NKAIN3: variants seen among roughly 807,000 people sequenced by gnomAD.
NKAIN3 encodes the protein sodium/potassium-transporting ATPase subunit beta-1-interacting protein 3.
NKAIN3 carries 25 observed loss-of-function variants against 30.2 expected under a neutral mutation model. The ratio of observed to expected loss-of-function variants is 0.83; its 90% CI spans 0.60 to 1.16. NKAIN3 has a LOEUF of 1.16. NKAIN3 is among the 50% of genes most tolerant of loss of function. The probability of loss-of-function intolerance (pLI) is 0.00; values close to 1 mark genes in which losing one functional copy is unlikely to be tolerated. For missense variants in NKAIN3, 225 were observed against 254.1 expected, an observed-to-expected ratio of 0.89 and a Z score of 0.78; for synonymous variants, 91 against 89.6, an observed-to-expected ratio of 1.02 and a Z score of -0.09.
chr8:62,994,915 G>T (rs530980638), intron 5 of NKAIN3, among the ~76,000 whole-genome samples: 1 of 152,258 alleles, frequency 6.6e-6, no homozygotes, highest in East Asian at 1.9e-4. Context: ...ATAAAATTAA[G>T]CCTACATCAT....
At chr8:62,561,928 A>C (rs577560548) in intron 1 of NKAIN3, among the ~76,000 whole-genome samples, 162 of 152,290 alleles carry the variant, frequency 1.1e-3, no homozygotes, top group Middle Eastern at 3.4e-3. Context: ...TTTATTGCCT[A>C]TAAAATCATC....
At chr8:62,756,140 A>G (rs1816445965) in intron 4 of NKAIN3, among the ~76,000 whole-genome samples, 1 of 152,216 alleles carries the variant, frequency 6.6e-6, no homozygotes, top group Non-Finnish European at 1.5e-5. Context: ...ACAATTCAAT[A>G]GCTTTCAGTC....
At chr8:62,886,356 T>C (rs1002934803) in intron 4 of NKAIN3, among the ~76,000 whole-genome samples, 2 of 152,030 alleles carry the variant, frequency 1.3e-5, no homozygotes, top group Non-Finnish European at 2.9e-5. Flanking sequence ...TAAACATATA[T>C]AATCAAATAT....
intron 1 of NKAIN3, among the ~76,000 whole-genome samples, chr8:62,292,444 C>G (rs547210133): frequency 6.4e-4 from 98 of 152,280 alleles, no homozygotes; most frequent in African/African-American, 2.3e-3. Context: ...GTGACAAAAT[C>G]TCTCAGCTTT....
chr8:62,362,351 G>T (rs1323567037), intron 1 of NKAIN3, among the ~76,000 whole-genome samples: 2 of 152,068 alleles, frequency 1.3e-5, no homozygotes, highest in Non-Finnish European at 2.9e-5. Context: ...ATCAGCTCAT[G>T]CCACGTAATT....
chr8:62,397,922 G>A (rs1817816499), intron 1 of NKAIN3, among the ~76,000 whole-genome samples: 1 of 152,150 alleles, frequency 6.6e-6, no homozygotes, highest in Non-Finnish European at 1.5e-5. Flanking sequence ...TCAAGACTAT[G>A]CCACCATCTA....
chr8:62,952,005 G>A (rs548418077), intron 5 of NKAIN3, among the ~76,000 whole-genome samples: 5 of 151,798 alleles, frequency 3.3e-5, no homozygotes, highest in African/African-American at 9.7e-5. Flanking sequence ...TCACCATGTT[G>A]GCCAGGCTGG....
chr8:62,998,386 G>A (rs914823490), intron 5 of NKAIN3, among the ~76,000 whole-genome samples: 6 of 151,862 alleles, frequency 4.0e-5, no homozygotes, highest in East Asian at 2.0e-4. Context: ...AGTGATTCTC[G>A]TGCCTCAGCC....
At chr8:62,799,210 TG>T (rs1468292917) in intron 4 of NKAIN3, among the ~76,000 whole-genome samples, 1 of 152,220 alleles carries the variant, frequency 6.6e-6, no homozygotes, top group Non-Finnish European at 1.5e-5. Flanking sequence ...TCATCATGTT[TG>T]GAGCATATTT....
At chr8:62,618,913 A>T (rs1461752807) in intron 3 of NKAIN3, among the ~76,000 whole-genome samples, 1 of 152,222 alleles carries the variant, frequency 6.6e-6, no homozygotes. Context: ...CTCAAAAAAA[A>T]CAAAAGAAAA....
chr8:62,326,202 T>C (rs1336702807), intron 1 of NKAIN3, among the ~76,000 whole-genome samples: 1 of 151,844 alleles, frequency 6.6e-6, no homozygotes, highest in African/African-American at 2.4e-5. Flanking sequence ...TCTAAGTCAG[T>C]GAAAGACACA....
intron 1 of NKAIN3, among the ~76,000 whole-genome samples, chr8:62,355,192 T>G (rs1283354910): frequency 6.6e-6 from 1 of 152,196 alleles, no homozygotes. Flanking sequence ...CTGAGGGTTC[T>G]TTTCACATCA....
rs2130913335 is a variant in NKAIN3 at position 62,970,284 on chromosome 8, A to G, written c.*4877A>G. ...AGAAGAAGGTATTTATCAATAAAGA[A>G]TTCTCAAAAAAATGGAATTATCAAA... On this transcript the variant is annotated 3_prime_UTR_variant, in exon 7 of 7. Coordinates refer to ENST00000623646, the MANE Select transcript of NKAIN3 (RefSeq NM_001304533.3). Among the ~76,000 whole-genome samples the G allele has an allele frequency of 6.6e-6, 1 of 152,218 alleles. No individual in the cohort carries two copies. Among genetic ancestry groups the G allele is most frequent in the Middle Eastern group, 3.4e-3 (1 of 294 alleles).
chr8:62,808,078 A>T (rs1477498108), intron 4 of NKAIN3, among the ~76,000 whole-genome samples: 1 of 151,970 alleles, frequency 6.6e-6, no homozygotes, highest in Admixed American at 6.6e-5. Context: ...TCCCTCACCA[A>T]TTTTTCATGT....
At chr8:62,748,652 A>C (rs1050906553) in intron 4 of NKAIN3, among the ~76,000 whole-genome samples, 1 of 152,230 alleles carries the variant, frequency 6.6e-6, no homozygotes, top group Non-Finnish European at 1.5e-5. Context: ...AGCACATTTG[A>C]ATTACAATCT....
intron 4 of NKAIN3, chr8:62,863,916 T>C: frequency 8.2e-7 from 1 of 1,219,374 alleles, no homozygotes; most frequent in Non-Finnish European, 1.2e-6. Flanking sequence ...TCTCCTCCTT[T>C]GGCTCTGGTG....
At chr8:62,561,705 G>A (rs1809583371) in intron 1 of NKAIN3, among the ~76,000 whole-genome samples, 1 of 152,080 alleles carries the variant, frequency 6.6e-6, no homozygotes, top group South Asian at 2.1e-4. Flanking sequence ...GGATTAATGA[G>A]ATACTGTACA....
chr8:62,956,764 G>A (rs1823429370), intron 6 of NKAIN3, among the ~76,000 whole-genome samples: 1 of 152,162 alleles, frequency 6.6e-6, no homozygotes, highest in Non-Finnish European at 1.5e-5. Flanking sequence ...CTAAGTGCTA[G>A]AGATATAAAG....
At chr8:62,443,760 T>C (rs148394388) in intron 1 of NKAIN3, among the ~76,000 whole-genome samples, 1 of 152,256 alleles carries the variant, frequency 6.6e-6, no homozygotes, top group East Asian at 1.9e-4. Flanking sequence ...AATTTTTCTC[T>C]TCTCTTTCTT....
Sources: gnomAD v4.1 joint callset for allele counts (sites outside exome capture counted in the v4.1 genomes callset) on GRCh38, gnomAD v4.1.1 for gene constraint, MANE v1.5 for transcripts, NCBI Gene and HGNC (gene_info 2026-07-23, HGNC 2026-07-21) for gene names.